The following DDX50 variants were observed in gnomAD, a reference collection of about 807,000 sequenced individuals.
The protein encoded by DDX50 is ATP-dependent RNA helicase DDX50.
DDX50 carries 56 observed loss-of-function variants against 94.8 expected under a neutral mutation model. The ratio of observed to expected loss-of-function variants is 0.59; its 90% confidence interval spans 0.48 to 0.74. DDX50 has a LOEUF of 0.74. DDX50 is among the 30% of genes least tolerant of loss of function. DDX50 has a pLI of 0.00. For missense variants in DDX50, 713 were observed against 881.2 expected (o/e 0.81, Z 2.42); for synonymous variants, 264 against 295.4 (o/e 0.89, Z 1.09).
chr10:68,937,553 A>G (rs1044767634), intron 12 of DDX50, among the ~76,000 whole-genome samples: 2 of 150,158 alleles, frequency 1.3e-5, no homozygotes, highest in Non-Finnish European at 3.0e-5. Context: ...GAACCATTCA[A>G]TATCTTCCTT....
At chr10:68,929,216 G>T (rs1043317629) in intron 8 of DDX50, among the ~76,000 whole-genome samples, 2 of 151,364 alleles carry the variant, frequency 1.3e-5, no homozygotes, top group Non-Finnish European at 2.9e-5. Flanking sequence ...CACAGTACTG[G>T]GATTACAGGT....
intron 8 of DDX50, among the ~76,000 whole-genome samples, chr10:68,924,353 C>T (rs1188928841): frequency 6.6e-6 from 1 of 152,038 alleles, no homozygotes; most frequent in African/African-American, 2.4e-5. Context: ...ACAATAATAG[C>T]ACACTGCAGC....
chr10:68,918,785 A>G (rs761173986), intron 7 of DDX50, among the ~76,000 whole-genome samples: 1 of 152,072 alleles, frequency 6.6e-6, no homozygotes, highest in Admixed American at 6.6e-5. Flanking sequence ...GTCTGTATGG[A>G]TATACCTGTT....
intron 1 of DDX50, among the ~76,000 whole-genome samples, chr10:68,903,467 A>G (rs970514147): frequency 6.6e-6 from 1 of 151,794 alleles, no homozygotes; most frequent in African/African-American, 2.4e-5. Context: ...GGAGATCGAG[A>G]CCATCCCGGC....
Position 68,913,157 on chromosome 10 carries a change from C to G in DDX50, c.640-5C>G. Reference sequence around the variant, plus strand: ...ATCTTTTTGTTTTTTAAACCTCTTGCTCAGGTACTTGTTTTGGCTCCAACA... The same window carrying G: ...ATCTTTTTGTTTTTTAAACCTCTTGGTCAGGTACTTGTTTTGGCTCCAACA... On this transcript the variant is annotated splice_region_variant and splice_polypyrimidine_tract_variant and intron_variant, in intron 4 of 14. Transcript: ENST00000373585. 6.3e-7 allele frequency: 1 copy of G among 1,594,674 alleles called. No homozygotes were observed. Among genetic ancestry groups the G allele is most frequent in the Non-Finnish European group, 8.5e-7 (1 of 1,174,736 alleles).
intron 3 of DDX50, 39 bp from the exon 4 acceptor site, chr10:68,911,029 A>G: frequency 7.4e-7 from 1 of 1,354,866 alleles, no homozygotes; most frequent in Non-Finnish European, 9.8e-7. Context: ...TCCTAATGCT[A>G]GTCGTAAAGA....
At chr10:68,936,454 A>G (rs1199346930) in intron 11 of DDX50, among the ~76,000 whole-genome samples, 1 of 126,456 alleles carries the variant, frequency 7.9e-6, no homozygotes, top group African/African-American at 3.0e-5. Flanking sequence ...GCACCACTGC[A>G]TTCCAGCCTG....
chr10:68,932,777 AT>A (rs1842305664), intron 8 of DDX50, among the ~76,000 whole-genome samples: 1 of 152,190 alleles, frequency 6.6e-6, no homozygotes, highest in African/African-American at 2.4e-5. Context: ...TTGGGAAATT[AT>A]TTTTGCCTAT....
intron 8 of DDX50, among the ~76,000 whole-genome samples, chr10:68,923,382 C>T (rs1417774463): frequency 1.3e-5 from 2 of 150,146 alleles, no homozygotes; most frequent in East Asian, 3.9e-4. Flanking sequence ...GGCTAAGTTT[C>T]ATTTTTGTAG....
In DDX50 at chr10:68,934,895, C is replaced by T. The variant is rs1403505738; in HGVS notation, c.1498C>T (p.Leu500=). 1.2e-6 allele frequency: 2 copies of T among 1,612,588 alleles called. No individual in the cohort carries two copies. The highest frequency in any genetic ancestry group is 2.7e-5 in the African/African-American group (2 of 74,936). ...TTATCAACCAAGAGAAAGAGGTCAA[C>T]TAAGATATGTGGAACAAAAAGCAGT... ...CFYQPRERGQ[L]RYVEQKAGIT... The change falls in exon 10 of 15, where the codon CTA becomes TTA. Residue 500 remains leucine, a synonymous_variant. Coordinates refer to ENST00000373585, the MANE Select transcript of DDX50 (RefSeq NM_024045.2). This position sits in a 1 kb window ranked among gnomAD's most constrained non-coding sequence, Gnocchi z 4.0.
intron 8 of DDX50, among the ~76,000 whole-genome samples, chr10:68,924,608 T>C (rs1842029595): frequency 6.6e-6 from 1 of 152,222 alleles, no homozygotes; most frequent in Admixed American, 6.5e-5. Context: ...GCTGCTGCTT[T>C]TGTTATTTTT....
At position 68,946,729 on chromosome 10, in the gene DDX50, C is replaced by T; in HGVS notation, c.*99C>T. On this transcript the variant is annotated 3_prime_UTR_variant, in exon 15 of 15. Coordinates refer to ENST00000373585, the MANE Select transcript of DDX50 (RefSeq NM_024045.2). The stretch of plus-strand genomic sequence containing the variant: ...AGGTCATCATAGTTGAGGTATGTGT[C>T]TGCTATTTGCAAAGAAGTTGGTCGT... The T allele has an allele frequency of 1.4e-6, 2 of 1,423,248 alleles. No homozygotes were observed. The highest frequency in any genetic ancestry group is 1.9e-6 in the Non-Finnish European group (2 of 1,060,202). 88.2% of individuals were successfully genotyped at this position (1,423,248 alleles called of 1,614,324 possible). A position where few individuals can be genotyped will look rare whatever the true frequency, so the allele number is the denominator to read the frequency against.
intron 7 of DDX50, among the ~76,000 whole-genome samples, chr10:68,917,037 T>G (rs1437413232): frequency 6.6e-6 from 1 of 152,188 alleles, no homozygotes; most frequent in Admixed American, 6.5e-5. Context: ...GCCCTTGCTG[T>G]CTTTTTTAAA....
Position 68,913,193 on chromosome 10 carries a change from C to A in DDX50, c.671C>A (p.Ala224Glu). Residue 224 changes from alanine to glutamate, a missense_variant, in exon 5 of 15, where the codon GCA (alanine) becomes GAA (glutamate). Physicochemically the swap from Ala to Glu is moderately radical, Grantham distance 107. Coordinates refer to ENST00000373585, the MANE Select transcript of DDX50 (RefSeq NM_024045.2). The stretch of plus-strand genomic sequence containing the variant: ...GTTTTGGCTCCAACAAGGGAACTGG[C>A]AAACCAAGTAGCCAAAGACTTCAAA... ...VLVLAPTREL[A>E]NQVAKDFKDI... 6.2e-7 allele frequency: 1 copy of A among 1,611,676 alleles called. No individual in the cohort carries two copies. The highest frequency in any genetic ancestry group is 8.5e-7 in the Non-Finnish European group (1 of 1,179,498).
chr10:68,928,186 A>G (rs952368933), intron 8 of DDX50, among the ~76,000 whole-genome samples: 17 of 152,050 alleles, frequency 1.1e-4, no homozygotes, highest in South Asian at 2.1e-4. Flanking sequence ...GTGGTGGGAC[A>G]CACCTGTGGT....
At chr10:68,913,960 AC>A (rs1841710423) in intron 6 of DDX50, 98 bp from the exon 7 acceptor site, 6 of 1,209,808 alleles carry the variant, frequency 5.0e-6, no homozygotes, top group Non-Finnish European at 6.7e-6. Context: ...CCCAAGTTTT[AC>A]ATTTTTCATT....
Position 68,913,409 on chromosome 10 carries a change from G to C in DDX50, c.776G>C (p.Gly259Ala). 6.2e-7 allele frequency: 1 copy of C among 1,613,346 alleles called. No homozygotes were observed. Among genetic ancestry groups the C allele is most frequent in the Non-Finnish European group, 8.5e-7 (1 of 1,179,800 alleles). ...CTCACAGTTAATCATATTCGAAATG[G>C]TATTGACATCTTGGTTGGAACACCT... is the stretch of plus-strand genomic sequence containing the variant. ...YQSQINHIRNGIDILVGTPGR... is the reference protein window; with the variant it reads ...YQSQINHIRNAIDILVGTPGR... The change falls in exon 6 of 15, where the codon GGT (glycine) becomes GCT (alanine). Residue 259 changes from glycine (G) to alanine (A), a missense_variant. Coordinates refer to ENST00000373585, the MANE Select transcript of DDX50 (RefSeq NM_024045.2).
intron 8 of DDX50, among the ~76,000 whole-genome samples, chr10:68,923,232 G>A (rs961465399): frequency 2.5e-4 from 22 of 88,412 alleles, no homozygotes; most frequent in African/African-American, 6.4e-4. Flanking sequence ...TTTTTTTTTC[G>A]GAGATGGGGT....
At position 68,946,459 on chromosome 10, in the gene DDX50, C is replaced by A; in HGVS notation, c.2043C>A (p.Gly681=). Reference sequence around the variant, plus strand: ...CTTCTAATTCCAGACAGAGGAGTGGCTGGTCAAGTGGTCGATCAGGCCGGT... The same window carrying A: ...CTTCTAATTCCAGACAGAGGAGTGGATGGTCAAGTGGTCGATCAGGCCGGT... ...NTSSNSRQRS[G]WSSGRSGRSG... is the part of the protein sequence containing the mutation. Residue 681 remains glycine (G), a synonymous_variant, in exon 15 of 15, where the codon GGC becomes GGA. Transcript: ENST00000373585. 6.2e-7 allele frequency: 1 copy of A among 1,614,188 alleles called. No individual in the cohort carries two copies.
Sources: gnomAD v4.1 joint callset for allele counts (sites outside exome capture counted in the v4.1 genomes callset) on GRCh38, gnomAD v4.1.1 for gene constraint, Gnocchi (gnomAD v3.1) non-coding constraint, MANE v1.5 for transcripts, NCBI Gene and HGNC (gene_info 2026-07-23, HGNC 2026-07-21) for gene names.